The following PHF14 variants were observed in gnomAD, a reference collection of about 807,000 sequenced individuals.
PHF14 encodes the protein PHD finger protein 14.
PHF14 carries 55 observed loss-of-function variants against 117.9 expected under a neutral mutation model. The ratio of observed to expected loss-of-function variants is 0.47; its 90% confidence interval spans 0.38 to 0.58. The LOEUF is 0.58. Among genes scored for constraint, PHF14 ranks in the 20% least tolerant of loss-of-function variants. The pLI, the probability that PHF14 is intolerant of heterozygous loss-of-function variation, is 0.00. For synonymous variants in PHF14, 409 were observed against 368.6 expected (o/e 1.11, Z -1.26); for missense variants, 978 against 1,122.2 (o/e 0.87, Z 1.84).
intron 4 of PHF14, among the ~76,000 whole-genome samples, chr7:10,996,211 TGGGAAA>T (rs1327545242): frequency 6.6e-6 from 1 of 152,160 alleles, no homozygotes; most frequent in Non-Finnish European, 1.5e-5. Flanking sequence ...GAATCTAAGG[TGGGAAA>T]CTAGGAAAAT....
rs1454875025 is a variant in PHF14 at position 10,974,135 on chromosome 7, C to CG, written c.-182dup. ...TCGAGCGGCCAGGGCCAGGCGAGGCCGGGGGGGCGGGGGGTTAGGGGACCG... is the reference window on the plus strand; with the variant it reads ...TCGAGCGGCCAGGGCCAGGCGAGGCCGGGGGGGGCGGGGGGTTAGGGGACCG... On this transcript the variant is annotated 5_prime_UTR_variant, in exon 1 of 18. Transcript: ENST00000634607. The CG allele has an allele frequency of 5.1e-5, 29 of 571,698 alleles. No homozygotes were observed. Among genetic ancestry groups the CG allele is most frequent in the South Asian group, 7.8e-5 (4 of 51,484 alleles). 35.4% of individuals were successfully genotyped at this position (571,698 alleles called of 1,614,324 possible). A position where few individuals can be genotyped will look rare whatever the true frequency, so the allele number is the denominator to read the frequency against.
At chr7:11,077,711 C>G (rs1402031722) in intron 16 of PHF14, among the ~76,000 whole-genome samples, 1 of 150,768 alleles carries the variant, frequency 6.6e-6, no homozygotes, top group Non-Finnish European at 1.5e-5. Context: ...TGCCTGTGAG[C>G]TTAGAGGTTG....
chr7:11,108,749 T>A (rs1426742601), intron 16 of PHF14: 1 of 151,790 alleles, frequency 6.6e-6, no homozygotes, highest in Non-Finnish European at 1.5e-5. Flanking sequence ...TGTGTTAGTG[T>A]AGCAAACTTG....
chr7:11,035,617 T>G (rs1429880787), intron 7 of PHF14, 23 bp from the exon 8 acceptor site: 1 of 1,522,066 alleles, frequency 6.6e-7, no homozygotes, highest in Non-Finnish European at 8.9e-7. Flanking sequence ...TGTTCACTAT[T>G]TTTCTGTGCT....
intron 13 of PHF14, among the ~76,000 whole-genome samples, chr7:11,045,758 C>T (rs1489360253): frequency 1.3e-5 from 2 of 152,016 alleles, no homozygotes; most frequent in Admixed American, 1.3e-4. Context: ...AGTGAATTCA[C>T]CTTGGACAGG....
At chr7:11,000,577 G>A (rs1782830214) in intron 4 of PHF14, among the ~76,000 whole-genome samples, 1 of 152,110 alleles carries the variant, frequency 6.6e-6, no homozygotes, top group Non-Finnish European at 1.5e-5. Context: ...GACCTCAAGT[G>A]ATCCACCTGC....
chr7:10,975,430 T>C (rs1781827594), intron 2 of PHF14, among the ~76,000 whole-genome samples: 2 of 152,230 alleles, frequency 1.3e-5, no homozygotes, highest in African/African-American at 4.8e-5. Flanking sequence ...TTATAGTAGG[T>C]GCTGGACCTT....
chr7:11,139,280 T>C (rs1042398309), intron 17 of PHF14, among the ~76,000 whole-genome samples: 2 of 152,186 alleles, frequency 1.3e-5, no homozygotes, highest in Non-Finnish European at 2.9e-5. Context: ...TTCTAAAAAT[T>C]AGGCATTCAT....
intron 17 of PHF14, among the ~76,000 whole-genome samples, chr7:11,168,627 A>G (rs963181093): frequency 3.9e-5 from 6 of 152,262 alleles, no homozygotes; most frequent in Admixed American, 1.3e-4. Context: ...GTCAGTTAAT[A>G]AAAATAAATA....
chr7:11,006,736 A>G, intron 4 of PHF14: 1 of 679,012 alleles, frequency 1.5e-6, no homozygotes, highest in Non-Finnish European at 2.7e-6. Context: ...GGCTGCTGGA[A>G]GGTGGGTGAC....
In PHF14 at chr7:11,051,633, G is replaced by A. The variant is rs184976505; in HGVS notation, c.2334G>A (p.Gln778=). The A allele has an allele frequency of 1.5e-4, 242 of 1,612,962 alleles. 1 individual carries two copies. In the East Asian group the frequency reaches 5.3e-3, roughly 35 times the overall value. The part of the protein sequence containing the change: ...NSYWQCSECD[Q]AGSSDMEADM... ...GTAGGCAGTGCTCGGAATGTGACCA[G>A]GCAGGGAGCAGTGACATGGAAGCAG... Residue 778 remains glutamine, a synonymous_variant, in exon 14 of 18, where the codon CAG becomes CAA. Coordinates refer to ENST00000634607, the MANE Select transcript of PHF14 (RefSeq NM_001007157.2).
intron 16 of PHF14, among the ~76,000 whole-genome samples, chr7:11,093,622 C>G (rs1786731185): frequency 6.6e-6 from 1 of 152,180 alleles, no homozygotes; most frequent in South Asian, 2.1e-4. Flanking sequence ...TTTCCTCTTA[C>G]TTAGCAGTAG....
At position 10,982,571 on chromosome 7, in the gene PHF14, A is replaced by G; in HGVS notation, c.312A>G (p.Glu104=). 1 of 1,510,272 alleles carries G rather than the reference A, an allele frequency of 6.6e-7. No homozygotes were observed. Among genetic ancestry groups the G allele is most frequent in the Non-Finnish European group, 9.0e-7 (1 of 1,111,722 alleles). The allele number at this position is 1,510,272 out of a possible 1,614,324, so 93.6% of individuals were successfully genotyped here. A position where few individuals can be genotyped will look rare whatever the true frequency, so the allele number is the denominator to read the frequency against. The part of the protein sequence containing the change: ...KQLIKMEKKE[E]EENGERPRKK... Reference sequence around the variant, plus strand: ...TAATTAAAATGGAAAAGAAGGAAGAAGAAGAAAATGGAGAAAGACCTAGAA... The same window carrying G: ...TAATTAAAATGGAAAAGAAGGAAGAGGAAGAAAATGGAGAAAGACCTAGAA... Residue 104 remains glutamate (E), a synonymous_variant, in exon 3 of 18, where the codon GAA becomes GAG. Coordinates refer to ENST00000634607, the MANE Select transcript of PHF14 (RefSeq NM_001007157.2).
chr7:11,104,296 T>G (rs1787184249), intron 16 of PHF14: 1 of 983,202 alleles, frequency 1.0e-6, no homozygotes, highest in Non-Finnish European at 1.2e-6. Flanking sequence ...ATGTTATACA[T>G]ATAGACTGCA....
intron 16 of PHF14, among the ~76,000 whole-genome samples, chr7:11,091,750 C>G (rs890824332): frequency 2.0e-5 from 3 of 151,912 alleles, no homozygotes; most frequent in Non-Finnish European, 2.9e-5. Context: ...GGAGCGAGAC[C>G]CTTTCTCAAA....
In PHF14 at chr7:11,035,714, C is replaced by T; in HGVS notation, c.1530C>T (p.Asn510=). 1.2e-6 allele frequency: 2 copies of T among 1,610,422 alleles called. No homozygotes were observed. Among genetic ancestry groups the T allele is most frequent in the Non-Finnish European group, 1.7e-6 (2 of 1,177,006 alleles). Residue 510 remains asparagine (N), a synonymous_variant, in exon 8 of 18, where the codon AAC becomes AAT. Coordinates refer to ENST00000634607, the MANE Select transcript of PHF14 (RefSeq NM_001007157.2). The stretch of plus-strand genomic sequence containing the variant: ...TAGACAGAAAGTGGAAGAGAAAAAA[C>T]TACTTGGCTCTACAGTCCTATTGTA... ...DRLDRKWKRK[N]YLALQSYCKM...
At chr7:11,074,962 G>C (rs1040935926) in intron 16 of PHF14, among the ~76,000 whole-genome samples, 4 of 146,630 alleles carry the variant, frequency 2.7e-5, no homozygotes, top group Non-Finnish European at 4.5e-5. Flanking sequence ...TTTTTAGATG[G>C]AGTCTTGCTC....
intron 16 of PHF14, among the ~76,000 whole-genome samples, chr7:11,065,025 T>G (rs1785378051): frequency 6.6e-6 from 1 of 152,090 alleles, no homozygotes; most frequent in Non-Finnish European, 1.5e-5. Context: ...AATAAATACT[T>G]GTTATGTCAG....
At chr7:11,075,060 C>A (rs756561740) in intron 16 of PHF14, among the ~76,000 whole-genome samples, 3 of 151,770 alleles carry the variant, frequency 2.0e-5, no homozygotes, top group Non-Finnish European at 4.4e-5. Flanking sequence ...GCCTCAGCCT[C>A]CTGAGTAGCT....
Sources: allele counts gnomAD v4.1 joint callset (sites outside exome capture counted in the v4.1 genomes callset), GRCh38; gene constraint gnomAD v4.1.1; transcripts MANE v1.5; gene names NCBI Gene and HGNC (gene_info 2026-07-23, HGNC 2026-07-21).